Variants in DRC3 observed in about 807,000 individuals in gnomAD.
The protein encoded by DRC3 is dynein regulatory complex subunit 3.
DRC3 carries 45 observed loss-of-function variants against 57.6 expected under a neutral mutation model. The observed-to-expected ratio is 0.78, with a 90% CI of 0.62 to 1.00. The LOEUF (loss-of-function observed/expected upper bound fraction) is 1.00, where lower values mean the gene tolerates loss of function less well. DRC3 is among the 50% of genes least tolerant of loss of function. DRC3 has a pLI of 0.00. For missense variants in DRC3, 655 were observed against 675.2 expected, an observed-to-expected ratio of 0.97 and a Z score of 0.33; for synonymous variants, 257 against 272.3, an observed-to-expected ratio of 0.94 and a Z score of 0.55.
intron 4 of DRC3, among the ~76,000 whole-genome samples, chr17:17,984,650 A>G (rs969403203): frequency 2.0e-5 from 3 of 152,116 alleles, no homozygotes; most frequent in Non-Finnish European, 2.9e-5. Flanking sequence ...TTATAATCCC[A>G]ATCTACAGAA....
chr17:18,011,707 G>T, intron 12 of DRC3: 1 of 207,922 alleles, frequency 4.8e-6, no homozygotes, highest in South Asian at 9.1e-5. Flanking sequence ...CCTGCCCCCT[G>T]ACCTCTGGGA....
chr17:17,994,396 G>A lies in DRC3; in HGVS notation c.689G>A (p.Arg230Gln), dbSNP rs1334878160. 7 of 1,553,232 alleles carry A rather than the reference G, an allele frequency of 4.5e-6. No individual in the cohort carries two copies. The Admixed American group carries it at 7.8e-5, about 17-fold the overall frequency. ...QAQLEDEQAQ[R>Q]EELEKHKTAF... ...CAGCTGGAGGACGAGCAGGCGCAGC[G>A]GGAGGAGCTAGAGAAGCACAAGGTA... Residue 230 changes from arginine (R) to glutamine (Q), a missense_variant, in exon 7 of 14, where the codon CGG (arginine) becomes CAG (glutamine). Coordinates refer to ENST00000399187, the MANE Select transcript of DRC3 (RefSeq NM_031294.4).
At chr17:17,983,765 C>T (rs2042825598) in intron 3 of DRC3, 63 bp from the exon 4 acceptor site, 5 of 1,218,910 alleles carry the variant, frequency 4.1e-6, no homozygotes, top group Non-Finnish European at 6.0e-6. Context: ...CCTCACTCCT[C>T]CTGTACACTA....
chr17:17,994,208 G>A (rs375571962), intron 6 of DRC3, 91 bp from the exon 7 acceptor site: 41 of 1,492,666 alleles, frequency 2.7e-5, no homozygotes, highest in East Asian at 1.0e-4. Context: ...GCCCATGCGC[G>A]GGAGGCTGCA....
intron 2 of DRC3, chr17:17,977,360 G>C (rs1180007649): frequency 1.9e-6 from 1 of 536,948 alleles, no homozygotes; most frequent in Non-Finnish European, 3.3e-6. Flanking sequence ...GTAGGGTCAA[G>C]GGATGAAACC....
chr17:17,993,138 A>G (rs1568491552), intron 6 of DRC3: 8 of 509,642 alleles, frequency 1.6e-5, no homozygotes, highest in Admixed American at 6.5e-5. Flanking sequence ...TCTTCCACAC[A>G]CTGTCCCAGG....
At chr17:17,993,274 C>G (rs916359291) in intron 6 of DRC3, 2 of 190,120 alleles carry the variant, frequency 1.1e-5, no homozygotes, top group African/African-American at 4.7e-5. Context: ...TCGCTTGAGC[C>G]AAGGAGTTCA....
intron 8 of DRC3, chr17:17,995,467 A>ACGGCG: frequency 1.4e-5 from 3 of 213,692 alleles, no homozygotes; most frequent in South Asian, 7.1e-5. Flanking sequence ...TTGTTTTCTC[A>ACGGCG]ACCACCCCAC....
chr17:17,977,646 C>G lies in DRC3; in HGVS notation c.48C>G (p.Asp16Glu), dbSNP rs1220129546. ...TGGAGCCGAGGGTGATGGACGATGACATGCTCAAGCTGGCCGTCGGGGACC... is the reference window on the plus strand; with the variant it reads ...TGGAGCCGAGGGTGATGGACGATGAGATGCTCAAGCTGGCCGTCGGGGACC... Reference protein sequence around the residue: ...NSMEPRVMDDDMLKLAVGDQG... With the variant: ...NSMEPRVMDDEMLKLAVGDQG... Residue 16 changes from aspartate (D) to glutamate (E), a missense_variant, in exon 3 of 14, where the codon GAC becomes GAG. Transcript: ENST00000399187. The G allele has an allele frequency of 1.9e-6, 3 of 1,613,866 alleles. No individual in the cohort carries two copies. The highest frequency in any genetic ancestry group is 1.3e-5 in the African/African-American group (1 of 74,928).
intron 12 of DRC3, chr17:18,010,946 T>TTTTGTTTG (rs201338433): frequency 0.022 from 5,389 of 243,058 alleles, 72 homozygotes; most frequent in African/African-American, 0.031. Flanking sequence ...GAGGTTTTTT[T>TTTTGTTTG]TTTGTTTGTT....
intron 9 of DRC3, among the ~76,000 whole-genome samples, chr17:18,000,547 C>G (rs923061540): frequency 5.3e-5 from 8 of 152,134 alleles, no homozygotes; most frequent in Non-Finnish European, 1.2e-4. Flanking sequence ...GGTTTTTTCC[C>G]AACCTTTTGC....
At chr17:18,012,223 G>A (rs1439554479) in intron 12 of DRC3, among the ~76,000 whole-genome samples, 2 of 152,206 alleles carry the variant, frequency 1.3e-5, no homozygotes, top group African/African-American at 4.8e-5. Context: ...ACAGCCAACT[G>A]ATTTTTGACA....
intron 9 of DRC3, among the ~76,000 whole-genome samples, chr17:18,000,892 CTTAAA>C (rs1262748497): frequency 1.3e-5 from 2 of 151,964 alleles, no homozygotes; most frequent in Admixed American, 6.6e-5. Context: ...TCTCTCTCTT[CTTAAA>C]TTATTTATTA....
chr17:18,002,801 G>A (rs1328155502), intron 9 of DRC3, among the ~76,000 whole-genome samples: 1 of 152,158 alleles, frequency 6.6e-6, no homozygotes, highest in Non-Finnish European at 1.5e-5. Flanking sequence ...ACACTGTTAA[G>A]TGACCCAGGC....
chr17:18,007,439 T>C (rs2044020728), intron 12 of DRC3: 2 of 1,551,156 alleles, frequency 1.3e-6, no homozygotes, highest in Non-Finnish European at 1.7e-6. Flanking sequence ...CTTCTGGCAC[T>C]TTCTAAGAGA....
At chr17:17,998,907 G>A (rs1196145715) in intron 9 of DRC3, among the ~76,000 whole-genome samples, 1 of 152,226 alleles carries the variant, frequency 6.6e-6, no homozygotes, top group Non-Finnish European at 1.5e-5. Flanking sequence ...TTAGAAACTA[G>A]CAGATTTCAC....
intron 5 of DRC3, among the ~76,000 whole-genome samples, chr17:17,991,400 C>T (rs1306961838): frequency 4.2e-5 from 6 of 144,300 alleles, no homozygotes; most frequent in African/African-American, 1.5e-4. Flanking sequence ...AAGCGATTCT[C>T]CTGCCTCAGC....
intron 9 of DRC3, among the ~76,000 whole-genome samples, 165 bp downstream of exon 9, chr17:17,997,799 A>G (rs568237857): frequency 1.3e-5 from 2 of 152,278 alleles, no homozygotes; most frequent in African/African-American, 4.8e-5. Context: ...AATCAGTGGC[A>G]GAGCCAAGGC....
chr17:18,009,109 G>A (rs149154558), intron 12 of DRC3, among the ~76,000 whole-genome samples: 6 of 152,280 alleles, frequency 3.9e-5, no homozygotes, highest in African/African-American at 1.4e-4. Context: ...CAAAAAATGT[G>A]ACCTACCCTT....
Sources: allele counts gnomAD v4.1 joint callset (sites outside exome capture counted in the v4.1 genomes callset), GRCh38; gene constraint gnomAD v4.1.1; transcripts MANE v1.5; gene names NCBI Gene and HGNC (gene_info 2026-07-23, HGNC 2026-07-21).